Variants in KIRREL3 observed in about 807,000 individuals in gnomAD.
KIRREL3 encodes the protein kin of IRRE-like protein 3.
KIRREL3 carries 36 observed loss-of-function variants against 89.7 expected under a neutral mutation model. That is an observed-to-expected ratio of 0.40 (90% CI 0.31 to 0.53). The LOEUF (loss-of-function observed/expected upper bound fraction) is 0.53, where lower values mean the gene tolerates loss of function less well. Ranked by LOEUF, KIRREL3 falls within the 20% of genes least tolerant of loss-of-function variation. The pLI, the probability that KIRREL3 is intolerant of heterozygous loss-of-function variation, is 0.49. For missense variants in KIRREL3, 864 were observed against 1,056.6 expected, an observed-to-expected ratio of 0.82 and a Z score of 2.53; for synonymous variants, 445 against 441.4, an observed-to-expected ratio of 1.01 and a Z score of -0.10.
rs1006547789 is a variant in KIRREL3, at chr11:126,761,348, G to A, written c.56-198436C>T. On this transcript the variant is annotated intron_variant, in intron 1 of 16. Coordinates refer to ENST00000525144, the MANE Select transcript of KIRREL3 (RefSeq NM_032531.4). The surrounding 1 kb of genome is among the most constrained non-coding windows in gnomAD (Gnocchi z 4.4). ...ACTGTGATGAGTTGGCTTCTCAGGAGTTTCCTACTCGCTGGGGCCTGTGAG... is the reference window on the plus strand; with the variant it reads ...ACTGTGATGAGTTGGCTTCTCAGGAATTTCCTACTCGCTGGGGCCTGTGAG... 3.3e-5 allele frequency among the ~76,000 whole-genome samples: 5 copies of A among 151,986 alleles called. No individual in the cohort carries two copies.
chr11:126,962,849 A>T (rs1466193129), intron 1 of KIRREL3, among the ~76,000 whole-genome samples: 2 of 152,188 alleles, frequency 1.3e-5, no homozygotes, highest in Non-Finnish European at 2.9e-5. Flanking sequence ...AGTCGTCAAC[A>T]CTAAGGCAAG....
chr11:126,559,505 A>G (rs1449639328), intron 2 of KIRREL3, among the ~76,000 whole-genome samples: 2 of 152,194 alleles, frequency 1.3e-5, no homozygotes, highest in African/African-American at 4.8e-5. Context: ...ACATCATGAT[A>G]GGTGCCACTC....
chr11:126,544,397 TTA>T lies in KIRREL3; in HGVS notation c.134-17712_134-17711del, dbSNP rs919407917. Among the ~76,000 whole-genome samples the T allele has an allele frequency of 1.3e-5, 2 of 152,040 alleles. No individual in the cohort carries two copies. The highest frequency in any genetic ancestry group is 4.8e-5 in the African/African-American group (2 of 41,384). ...GTATTGTAACCCCTTGAATCAAACT[TTA>T]TGAGTTTGGGTTTGGCAGGGAGGCA... On this transcript the variant is annotated intron_variant, in intron 2 of 16. Transcript: ENST00000525144. The surrounding 1 kb of genome is among the most constrained non-coding windows in gnomAD (Gnocchi z 5.6).
At chr11:126,533,538 T>C (rs1179355303) in intron 2 of KIRREL3, among the ~76,000 whole-genome samples, 4 of 152,248 alleles carry the variant, frequency 2.6e-5, no homozygotes, top group Non-Finnish European at 5.9e-5. Flanking sequence ...CTGAAGCCTA[T>C]GTTCACCTTC....
chr11:126,965,904 G>C lies in KIRREL3; in HGVS notation c.55+34551C>G, dbSNP rs912956640. 2.6e-5 allele frequency among the ~76,000 whole-genome samples: 4 copies of C among 152,284 alleles called. No individual in the cohort carries two copies. Among genetic ancestry groups the C allele is most frequent in the South Asian group, 2.1e-4 (1 of 4,818 alleles). On this transcript the variant is annotated intron_variant, in intron 1 of 16. Transcript: ENST00000525144. This position sits in a 1 kb window ranked among gnomAD's most constrained non-coding sequence, Gnocchi z 4.4. ...CCATGTAATCCACAGGTAGGTACTT[G>C]AGTGGACTGGCCTCAACTTGTAGAA...
chr11:126,425,732 C>T lies in KIRREL3; in HGVS notation c.1807-8G>A, dbSNP rs1347833569. On this transcript the variant is annotated splice_region_variant and splice_polypyrimidine_tract_variant and intron_variant, in intron 15 of 16. Coordinates refer to ENST00000525144, the MANE Select transcript of KIRREL3 (RefSeq NM_032531.4). Reference sequence around the variant, plus strand: ...GAATTCACCCCGGTCCATCTGCAACCCAAAAAAGGCTGCTCAGTAGATAGG... The same window carrying T: ...GAATTCACCCCGGTCCATCTGCAACTCAAAAAAGGCTGCTCAGTAGATAGG... 1 of 1,587,224 alleles carries T rather than the reference C, an allele frequency of 6.3e-7. No individual in the cohort carries two copies. The highest frequency in any genetic ancestry group is 1.8e-5 in the Admixed American group (1 of 56,472).
intron 1 of KIRREL3, among the ~76,000 whole-genome samples, chr11:126,784,100 C>T (rs555272994): frequency 2.0e-5 from 3 of 152,168 alleles, no homozygotes; most frequent in African/African-American, 7.2e-5. Context: ...TCTGAGAAGC[C>T]GTCACAGCCA....
chr11:126,915,872 A>G (rs1187835995), intron 1 of KIRREL3, among the ~76,000 whole-genome samples: 3 of 152,204 alleles, frequency 2.0e-5, no homozygotes, highest in Non-Finnish European at 4.4e-5. Flanking sequence ...AATGGGTCAC[A>G]TAACCATTTG....
In KIRREL3 at chr11:126,431,433, G is replaced by C; in HGVS notation, c.1682C>G (p.Ala561Gly). 6.2e-7 allele frequency: 1 copy of C among 1,614,020 alleles called. No homozygotes were observed. Among genetic ancestry groups the C allele is most frequent in the Non-Finnish European group, 8.5e-7 (1 of 1,179,898 alleles). The part of the protein sequence containing the change: ...LMATIVAFCC[A>G]RSQRNLKGVV... ...CCCTCCCGTACTTCTCTGGGAACGG[G>C]CACAGCAGAACGCCACGATGGTTGC... The change falls in exon 14 of 17, where the codon GCC becomes GGC. Residue 561 changes from alanine to glycine, a missense_variant. By Grantham distance (60) the Ala-to-Gly change is moderately conservative. Transcript: ENST00000525144. This position sits in a 1 kb window ranked among gnomAD's most constrained non-coding sequence, Gnocchi z 7.1.
At chr11:126,593,797 G>T (rs1452823473) in intron 1 of KIRREL3, among the ~76,000 whole-genome samples, 1 of 152,142 alleles carries the variant, frequency 6.6e-6, no homozygotes, top group Non-Finnish European at 1.5e-5. Context: ...CTAGGAAGCT[G>T]GGAAGCCAGG....
chr11:126,856,718 C>A lies in KIRREL3; in HGVS notation c.55+143737G>T, dbSNP rs558719221. Among the ~76,000 whole-genome samples, 7 of 151,776 alleles carry A rather than the reference C, an allele frequency of 4.6e-5. No homozygotes were observed. In the South Asian group the frequency reaches 1.5e-3, roughly 32 times the overall value. On this transcript the variant is annotated intron_variant, in intron 1 of 16. Coordinates refer to ENST00000525144, the MANE Select transcript of KIRREL3 (RefSeq NM_032531.4). ...GCAAGCTCTGCCTCCTGGGTTCAGG[C>A]CATTCTCCTGCCTCAGCCTCCTGAG...
At position 126,443,780 on chromosome 11, in the gene KIRREL3, C is replaced by T. The variant is rs76204370; in HGVS notation, c.1252+1199G>A. ...GCTAATTTGGAGACCTCAGGAGGGCCCTGCTCTGGGGCCAGGACCCAGATG... is the reference window on the plus strand; with the variant it reads ...GCTAATTTGGAGACCTCAGGAGGGCTCTGCTCTGGGGCCAGGACCCAGATG... On this transcript the variant is annotated intron_variant, in intron 10 of 16. Transcript: ENST00000525144. The surrounding 1 kb of genome is among the most constrained non-coding windows in gnomAD (Gnocchi z 7.3). Among the ~76,000 whole-genome samples the T allele has an allele frequency of 1.6e-3, 242 of 152,198 alleles. No homozygotes were observed. The highest frequency in any genetic ancestry group is 5.4e-3 in the African/African-American group (225 of 41,524).
Position 126,812,506 on chromosome 11 carries a change from C to A in KIRREL3, c.55+187949G>T, listed in dbSNP as rs78135503. ...CCATGAAAGGCAAGACAGATGCACA[C>A]GAGTCAGTTCTGCCACTCCAGTACT... On this transcript the variant is annotated intron_variant, in intron 1 of 16. Transcript: ENST00000525144. The surrounding 1 kb of genome is among the most constrained non-coding windows in gnomAD (Gnocchi z 5.2). Among the ~76,000 whole-genome samples the A allele has an allele frequency of 1.3e-5, 2 of 152,140 alleles. No homozygotes were observed. The highest frequency in any genetic ancestry group is 2.9e-5 in the Non-Finnish European group (2 of 68,026).
intron 1 of KIRREL3, among the ~76,000 whole-genome samples, chr11:126,784,881 G>A (rs1416049788): frequency 1.3e-5 from 2 of 152,184 alleles, no homozygotes; most frequent in African/African-American, 4.8e-5. Flanking sequence ...AGATTACAGA[G>A]GATCACCTAT....
In KIRREL3 at chr11:126,564,410, G is replaced by A. The variant is rs1330564555; in HGVS notation, c.56-1498C>T. 6.6e-5 allele frequency among the ~76,000 whole-genome samples: 10 copies of A among 152,186 alleles called. No homozygotes were observed. Among genetic ancestry groups the A allele is most frequent in the Non-Finnish European group, 1.3e-4 (9 of 68,028 alleles). On this transcript the variant is annotated intron_variant, in intron 1 of 16. Coordinates refer to ENST00000525144, the MANE Select transcript of KIRREL3 (RefSeq NM_032531.4). This position sits in a 1 kb window ranked among gnomAD's most constrained non-coding sequence, Gnocchi z 7.4. ...TAGAGAAAAACAAAACATGGCAGGA[G>A]GTGGCAGAACGCCACGGCCCAGGGA... is the stretch of plus-strand genomic sequence containing the variant.
chr11:126,910,630 T>C (rs1439707811), intron 1 of KIRREL3, among the ~76,000 whole-genome samples: 1 of 152,212 alleles, frequency 6.6e-6, no homozygotes, highest in African/African-American at 2.4e-5. Flanking sequence ...ATACGCATCA[T>C]ATGGATGAGG....
Position 126,697,146 on chromosome 11 carries a change from A to G in KIRREL3, c.56-134234T>C, listed in dbSNP as rs1311565687. 2.6e-5 allele frequency among the ~76,000 whole-genome samples: 4 copies of G among 152,112 alleles called. No individual in the cohort carries two copies. The highest frequency in any genetic ancestry group is 2.9e-5 in the Non-Finnish European group (2 of 68,024). On this transcript the variant is annotated intron_variant, in intron 1 of 16. Coordinates refer to ENST00000525144, the MANE Select transcript of KIRREL3 (RefSeq NM_032531.4). The surrounding 1 kb of genome is among the most constrained non-coding windows in gnomAD (Gnocchi z 4.2). ...CCTCCTTGCAAATGAAGGCTTAGTC[A>G]CTTCCTCCGCTGGTCCCCCAGACCT...
rs1956602171 is a variant in KIRREL3 at position 126,463,119 on chromosome 11, C to A, written c.742+38G>T. ...GGTTGCTGGGTGTTTCACCCTGGGC[C>A]TGGCAGGGCTGGGTTGGGGGAGGGG... On this transcript the variant is annotated intron_variant, in intron 6 of 16. Coordinates refer to ENST00000525144, the MANE Select transcript of KIRREL3 (RefSeq NM_032531.4). This position sits in a 1 kb window ranked among gnomAD's most constrained non-coding sequence, Gnocchi z 5.9. 6.3e-7 allele frequency: 1 copy of A among 1,589,886 alleles called. No homozygotes were observed. The highest frequency in any genetic ancestry group is 2.1e-4 in the Middle Eastern group (1 of 4,808).
Position 126,867,151 on chromosome 11 carries a change from G to A in KIRREL3, c.55+133304C>T, listed in dbSNP as rs535017984. Among the ~76,000 whole-genome samples the A allele has an allele frequency of 5.3e-5, 8 of 152,332 alleles. No homozygotes were observed. In the South Asian group the frequency reaches 8.3e-4, roughly 16 times the overall value. ...GCCTTGGGGTTGGAGCCCAAAAAACGTTCCCCACAATCTGCCTGTCTGCCT... is the reference window on the plus strand; with the variant it reads ...GCCTTGGGGTTGGAGCCCAAAAAACATTCCCCACAATCTGCCTGTCTGCCT... On this transcript the variant is annotated intron_variant, in intron 1 of 16. Coordinates refer to ENST00000525144, the MANE Select transcript of KIRREL3 (RefSeq NM_032531.4). This position sits in a 1 kb window ranked among gnomAD's most constrained non-coding sequence, Gnocchi z 4.7.
Sources: gnomAD v4.1 joint callset for allele counts (sites outside exome capture counted in the v4.1 genomes callset) on GRCh38, gnomAD v4.1.1 for gene constraint, Gnocchi (gnomAD v3.1) non-coding constraint, MANE v1.5 for transcripts, NCBI Gene and HGNC (gene_info 2026-07-23, HGNC 2026-07-21) for gene names.